LAMA3: variants seen among roughly 807,000 people sequenced by gnomAD.
LAMA3 encodes the protein laminin subunit alpha-3.
LAMA3 carries 281 observed loss-of-function variants against 402.0 expected under a neutral mutation model. The ratio of observed to expected loss-of-function variants is 0.70; its 90% confidence interval spans 0.63 to 0.77. The LOEUF (loss-of-function observed/expected upper bound fraction) is 0.77, where lower values mean the gene tolerates loss of function less well. Among genes scored for constraint, LAMA3 ranks in the 30% least tolerant of loss-of-function variants. LAMA3 has a pLI of 0.00. For synonymous variants in LAMA3, 1,431 were observed against 1,558.4 expected (o/e 0.92, Z 1.93); for missense variants, 3,840 against 4,215.5 (o/e 0.91, Z 2.47).
rs72875927 is a variant in LAMA3, at chr18:23,937,854, G to A, written c.8863-1369G>A. Among the ~76,000 whole-genome samples, 1,312 of 152,246 alleles carry A rather than the reference G, an allele frequency of 8.6e-3. 10 individuals are homozygous for A. The highest frequency in any genetic ancestry group is 0.072 in the Middle Eastern group (21 of 292). The stretch of plus-strand genomic sequence containing the variant: ...TTTAAATAACTGATTTCAAGTTTGC[G>A]TTCTGAGCACTATATCCAGGAAATG... On this transcript the variant is annotated intron_variant, in intron 67 of 74. Transcript: ENST00000313654.
At position 23,713,940 on chromosome 18, in the gene LAMA3, C is replaced by T. The variant is rs1377516022; in HGVS notation, c.315C>T (p.Cys105=). The change falls in exon 2 of 75, where the codon TGC becomes TGT. Residue 105 remains cysteine (C), a synonymous_variant. Transcript: ENST00000313654. ...TTCAGGGCCAGTTCTGTGACTATTG[C>T]AATTCTGAAGACCCCAGGAAAGCAC... ...HTIQGQFCDY[C]NSEDPRKAHP... 1 of 1,612,892 alleles carries T rather than the reference C, an allele frequency of 6.2e-7. No homozygotes were observed. Among genetic ancestry groups the T allele is most frequent in the Admixed American group, 1.7e-5 (1 of 59,894 alleles).
intron 13 of LAMA3, among the ~76,000 whole-genome samples, chr18:23,812,414 T>C (rs2063092143): frequency 6.6e-6 from 1 of 152,076 alleles, no homozygotes; most frequent in African/African-American, 2.4e-5. Context: ...ACAAAGCCAA[T>C]AGGGTTAAGG....
intron 32 of LAMA3, among the ~76,000 whole-genome samples, chr18:23,852,492 C>T (rs1239396420): frequency 1.3e-5 from 2 of 152,006 alleles, no homozygotes; most frequent in Non-Finnish European, 2.9e-5. Flanking sequence ...TTTAGCTTTC[C>T]CTTAAGTGTT....
intron 59 of LAMA3, among the ~76,000 whole-genome samples, chr18:23,915,831 C>G (rs540447148): frequency 6.6e-6 from 1 of 151,336 alleles, no homozygotes; most frequent in East Asian, 1.9e-4. Context: ...CATGGCGAAA[C>G]CCCATCTCTA....
chr18:23,840,190 A>T (rs2063667071), intron 27 of LAMA3, among the ~76,000 whole-genome samples: 1 of 152,010 alleles, frequency 6.6e-6, no homozygotes, highest in Non-Finnish European at 1.5e-5. Flanking sequence ...CCTGCCTAGG[A>T]CCACCCCTGC....
intron 20 of LAMA3, among the ~76,000 whole-genome samples, 162 bp from the exon 21 acceptor site, chr18:23,824,261 A>G (rs1227265435): frequency 6.6e-6 from 1 of 152,230 alleles, no homozygotes; most frequent in East Asian, 1.9e-4. Context: ...ATACATATGT[A>G]TTTGCATAGT....
intron 10 of LAMA3, among the ~76,000 whole-genome samples, chr18:23,776,831 T>C (rs1400204272): frequency 6.7e-6 from 1 of 148,186 alleles, no homozygotes; most frequent in Non-Finnish European, 1.5e-5. Context: ...TGAACAGAAA[T>C]TGTATTTGCC....
intron 2 of LAMA3, among the ~76,000 whole-genome samples, chr18:23,742,506 T>C (rs1057191697): frequency 1.3e-5 from 2 of 152,192 alleles, no homozygotes; most frequent in African/African-American, 4.8e-5. Flanking sequence ...TGAATTTATA[T>C]AGAAGAAATA....
intron 2 of LAMA3, among the ~76,000 whole-genome samples, chr18:23,738,717 G>A (rs944122545): frequency 1.3e-4 from 20 of 152,198 alleles, no homozygotes; most frequent in African/African-American, 4.8e-4. Context: ...GGACACCCCT[G>A]CTGGGATCAG....
chr18:23,813,466 C>T (rs1182988052), intron 14 of LAMA3, among the ~76,000 whole-genome samples: 1 of 145,914 alleles, frequency 6.9e-6, no homozygotes, highest in Non-Finnish European at 1.5e-5. Context: ...TGGCTGTGTA[C>T]AAAATAATTA....
intron 35 of LAMA3, among the ~76,000 whole-genome samples, chr18:23,864,379 A>G (rs961019561): frequency 5.3e-5 from 8 of 151,966 alleles, no homozygotes; most frequent in African/African-American, 1.9e-4. Flanking sequence ...GGTGTGCACC[A>G]CCACACCTGA....
chr18:23,782,943 A>G (rs555404339), intron 11 of LAMA3, among the ~76,000 whole-genome samples: 28 of 152,168 alleles, frequency 1.8e-4, no homozygotes, highest in Non-Finnish European at 3.8e-4. Context: ...TGAAGTGTCC[A>G]GTCTGCTGGG....
intron 45 of LAMA3, 22 bp from the exon 46 acceptor site, chr18:23,898,932 A>T (rs1396028659): frequency 2.5e-6 from 4 of 1,597,096 alleles, no homozygotes; most frequent in Non-Finnish European, 3.4e-6. Flanking sequence ...ATTTGCTGCT[A>T]ATCAATTTAT....
chr18:23,830,822 G>T (rs149927801), intron 23 of LAMA3, among the ~76,000 whole-genome samples: 450 of 152,222 alleles, frequency 3.0e-3, no homozygotes, highest in Non-Finnish European at 5.1e-3. Context: ...CCTCCACACA[G>T]ATACCTCCCA....
chr18:23,901,242 TCGGCTGCAGGAGGCAGCTGCC>T lies in LAMA3; in HGVS notation c.6122_6142del (p.Arg2041_Ala2047del). 2 of 1,614,210 alleles carry T rather than the reference TCGGCTGCAGGAGGCAGCTGCC, an allele frequency of 1.2e-6. No homozygotes were observed. Among genetic ancestry groups the T allele is most frequent in the Non-Finnish European group, 1.7e-6 (2 of 1,180,034 alleles). On this transcript the variant is annotated inframe_deletion, in exon 48 of 75. Coordinates refer to ENST00000313654, the MANE Select transcript of LAMA3 (RefSeq NM_198129.4). ...AAGCCAAACTCAGTGACCTTCGTGC[TCGGCTGCAGGAGGCAGCTGCC>T]CAAGCCAAGCAGGCAAATGGCTTGA...
intron 18 of LAMA3, 45 bp from the exon 19 acceptor site, chr18:23,819,796 T>A (rs2063248236): frequency 6.4e-7 from 1 of 1,552,566 alleles, no homozygotes; most frequent in Non-Finnish European, 8.9e-7. Flanking sequence ...TCAGATGATC[T>A]ATGGACCTAA....
chr18:23,691,803 C>T (rs1394454964), intron 1 of LAMA3, among the ~76,000 whole-genome samples: 1 of 152,210 alleles, frequency 6.6e-6, no homozygotes, highest in Admixed American at 6.5e-5. Context: ...AACCCCTGGG[C>T]TCAAGCGATC....
At chr18:23,795,747 C>G (rs1485827092) in intron 12 of LAMA3, among the ~76,000 whole-genome samples, 2 of 151,428 alleles carry the variant, frequency 1.3e-5, no homozygotes, top group Non-Finnish European at 2.9e-5. Context: ...TCTATAAACT[C>G]TGCTATCTTG....
chr18:23,826,289 G>A (rs1477238664), intron 21 of LAMA3, among the ~76,000 whole-genome samples: 3 of 152,214 alleles, frequency 2.0e-5, no homozygotes, highest in African/African-American at 4.8e-5. Flanking sequence ...TTTTTATACC[G>A]TGCCAGTTGA....
Sources: allele counts gnomAD v4.1 joint callset (sites outside exome capture counted in the v4.1 genomes callset), GRCh38; gene constraint gnomAD v4.1.1; transcripts MANE v1.5; gene names NCBI Gene and HGNC (gene_info 2026-07-23, HGNC 2026-07-21).